The following PSD3 variants were observed in gnomAD, a reference collection of about 807,000 sequenced individuals.
PSD3 encodes the protein PH and SEC7 domain-containing protein 3.
PSD3 carries 49 observed loss-of-function variants against 105.5 expected under a neutral mutation model. That is an observed-to-expected ratio of 0.46 (90% CI 0.37 to 0.59). The LOEUF is 0.59. PSD3 is among the 20% of genes least tolerant of loss of function. The pLI is 0.00. For synonymous variants in PSD3, 557 were observed against 457.8 expected (o/e 1.22, Z -2.77); for missense variants, 1,561 against 1,263.8 (o/e 1.24, Z -3.57).
intron 9 of PSD3, among the ~76,000 whole-genome samples, chr8:18,696,198 T>C (rs531304954): frequency 4.6e-5 from 7 of 152,346 alleles, no homozygotes; most frequent in South Asian, 2.1e-4. Context: ...TGAGATGGCA[T>C]TGCCGTCCGT....
intron 11 of PSD3, among the ~76,000 whole-genome samples, chr8:18,601,251 G>C (rs1415342200): frequency 1.3e-5 from 2 of 152,124 alleles, no homozygotes; most frequent in African/African-American, 2.4e-5. Flanking sequence ...AAAAGCAATA[G>C]ATTAGCAAAA....
intron 14 of PSD3, among the ~76,000 whole-genome samples, chr8:18,569,548 G>C (rs1302588228): frequency 8.4e-6 from 1 of 118,400 alleles, no homozygotes; most frequent in African/African-American, 3.3e-5. Context: ...AACTTACAAG[G>C]GATGTGAAGG....
chr8:18,706,590 G>A (rs1296829800), intron 9 of PSD3, among the ~76,000 whole-genome samples: 1 of 152,214 alleles, frequency 6.6e-6, no homozygotes, highest in Non-Finnish European at 1.5e-5. Flanking sequence ...CAATCCAGGG[G>A]AGAAAAAGCC....
At chr8:18,736,587 T>G (rs1452800142) in intron 9 of PSD3, among the ~76,000 whole-genome samples, 1 of 152,164 alleles carries the variant, frequency 6.6e-6, no homozygotes, top group Non-Finnish European at 1.5e-5. Flanking sequence ...TTCCCTCCTT[T>G]GATCATCAAT....
chr8:19,009,691 A>C (rs139956500), intron 1 of PSD3, among the ~76,000 whole-genome samples: 1,594 of 152,298 alleles, frequency 0.01, 36 homozygotes, highest in African/African-American at 0.036. Flanking sequence ...GGAGTTTGAG[A>C]CCAGCCTGGG....
At chr8:18,986,818 G>A (rs75729691) in intron 1 of PSD3, among the ~76,000 whole-genome samples, 2,714 of 152,222 alleles carry the variant, frequency 0.018, 97 homozygotes, top group African/African-American at 0.062. Flanking sequence ...CCAGCAGTGG[G>A]CAGATAAGGA....
intron 4 of PSD3, among the ~76,000 whole-genome samples, chr8:18,841,148 T>C (rs527542623): frequency 2.5e-4 from 38 of 152,328 alleles, no homozygotes; most frequent in African/African-American, 7.5e-4. Flanking sequence ...GCTGCCAGCA[T>C]TGACAACTCA....
chr8:18,942,465 C>T (rs377653030), intron 1 of PSD3, among the ~76,000 whole-genome samples: 6 of 152,112 alleles, frequency 3.9e-5, no homozygotes, highest in Non-Finnish European at 8.8e-5. Flanking sequence ...AACAGTTAGG[C>T]GTTATGGGCT....
intron 12 of PSD3, among the ~76,000 whole-genome samples, chr8:18,587,367 G>C (rs1449258154): frequency 1.3e-5 from 2 of 152,120 alleles, no homozygotes; most frequent in Non-Finnish European, 2.9e-5. Context: ...GACACTTTAT[G>C]ACATTGTGAT....
chr8:18,546,855 T>C (rs1005727809), intron 15 of PSD3, among the ~76,000 whole-genome samples: 5 of 152,188 alleles, frequency 3.3e-5, no homozygotes, highest in African/African-American at 1.2e-4. Flanking sequence ...TTGAGTTTTT[T>C]AGATTCCACA....
intron 4 of PSD3, among the ~76,000 whole-genome samples, chr8:18,857,900 A>G (rs17127346): frequency 0.091 from 13,783 of 152,234 alleles, 780 homozygotes; most frequent in African/African-American, 0.16. Context: ...ACCTGCAAAT[A>G]GAGCGTCAGG....
At chr8:18,662,445 TCA>T (rs1378023205) in intron 9 of PSD3, among the ~76,000 whole-genome samples, 1 of 152,208 alleles carries the variant, frequency 6.6e-6, no homozygotes, top group Non-Finnish European at 1.5e-5. Context: ...TGAGACACTT[TCA>T]CACACAGTAT....
At chr8:18,852,625 T>G (rs1012279859) in intron 4 of PSD3, among the ~76,000 whole-genome samples, 1 of 152,168 alleles carries the variant, frequency 6.6e-6, no homozygotes, top group Non-Finnish European at 1.5e-5. Flanking sequence ...CCAGCCCCCG[T>G]TGCCACTGAA....
At chr8:18,977,015 G>A (rs1218022913) in intron 1 of PSD3, among the ~76,000 whole-genome samples, 1 of 152,088 alleles carries the variant, frequency 6.6e-6, no homozygotes, top group Non-Finnish European at 1.5e-5. Context: ...CGGTATGAGT[G>A]TGGTTAAGAA....
chr8:18,819,816 A>G (rs1248026191), intron 4 of PSD3, among the ~76,000 whole-genome samples: 1 of 152,108 alleles, frequency 6.6e-6, no homozygotes, highest in East Asian at 1.9e-4. Flanking sequence ...TGACCTCGTG[A>G]TCTGCCAGCC....
intron 2 of PSD3, among the ~76,000 whole-genome samples, chr8:18,881,872 C>A (rs1818127034): frequency 6.6e-6 from 1 of 152,108 alleles, no homozygotes; most frequent in South Asian, 2.1e-4. Flanking sequence ...TTTGTTGAAG[C>A]AATCAATTAT....
intron 12 of PSD3, among the ~76,000 whole-genome samples, chr8:18,582,816 CTTTTTTTTTTT>C (rs71217386): frequency 8.8e-5 from 11 of 125,464 alleles, no homozygotes; most frequent in East Asian, 4.7e-4. Context: ...CCACACTGAT[CTTTTTTTTTTT>C]TTTTTTTTTT....
intron 9 of PSD3, among the ~76,000 whole-genome samples, chr8:18,754,276 CG>C (rs1554489980): frequency 6.6e-6 from 1 of 151,702 alleles, no homozygotes; most frequent in Non-Finnish European, 1.5e-5. Context: ...CCCAACTACT[CG>C]GGAGGCTAAG....
chr8:18,590,625 T>A (rs1405691677), intron 12 of PSD3, among the ~76,000 whole-genome samples: 1 of 152,082 alleles, frequency 6.6e-6, no homozygotes, highest in Non-Finnish European at 1.5e-5. Context: ...CCCCTAGGAA[T>A]CTTAAGAAAA....
Sources: allele counts gnomAD v4.1 joint callset (sites outside exome capture counted in the v4.1 genomes callset), GRCh38; gene constraint gnomAD v4.1.1; transcripts MANE v1.5; gene names NCBI Gene and HGNC (gene_info 2026-07-23, HGNC 2026-07-21).